Variants in COPS2 observed in about 807,000 individuals in gnomAD.
COPS2 encodes COP9 signalosome subunit 2, also known as COP9 signalosome complex subunit 2.
Under a neutral mutation model 66.1 loss-of-function variants are expected in COPS2, and 10 were observed. The ratio of observed to expected loss-of-function variants is 0.15; its 90% CI spans 0.09 to 0.26. COPS2 has a LOEUF of 0.26. Among genes scored for constraint, COPS2 ranks in the 10% least tolerant of loss-of-function variants. COPS2 has a pLI of 1.00. For missense variants in COPS2, 215 were observed against 513.3 expected, an observed-to-expected ratio of 0.42 and a Z score of 5.62; for synonymous variants, 179 against 171.3, an observed-to-expected ratio of 1.04 and a Z score of -0.35.
rs1566883521 is a variant in COPS2 at position 49,137,407 on chromosome 15, T to A, written c.403A>T (p.Thr135Ser). 2 of 1,612,850 alleles carry A rather than the reference T, an allele frequency of 1.2e-6. No individual in the cohort carries two copies. The highest frequency in any genetic ancestry group is 1.3e-5 in the African/African-American group (1 of 74,898). Residue 135 changes from threonine (T) to serine (S), a missense_variant, in exon 5 of 13, where the codon ACA (threonine) becomes TCA (serine). Around this residue, in one of 5 missense-constraint regions of COPS2, gnomAD observed 90 missense variants for 225.1 expected, o/e 0.40. Coordinates refer to ENST00000388901, the MANE Select transcript of COPS2 (RefSeq NM_004236.4). ...MDLLQEFYET[T>S]LEALKDAKND... ...TTAGCATCTTTCAAAGCTTCCAGTG[T>A]TGTTTCATAGAATTCCTGCAGTAAA...
intron 9 of COPS2, among the ~76,000 whole-genome samples, chr15:49,132,366 C>T (rs1314962768): frequency 3.4e-5 from 5 of 148,732 alleles, no homozygotes; most frequent in African/African-American, 1.2e-4. Context: ...TTTTTTTTTA[C>T]AGCCAAAATT....
Position 49,134,414 on chromosome 15 carries a change from AG to A in COPS2, c.640del (p.Ala216HisfsTer17), listed in dbSNP as rs777049710. ...AAGTGACTGTTCATAGAGTGCTTTA[AG>A]TTTTTTGTTATTTTTCTGTGCTGTG... ...MYTAQKNNKK[L>X]KALYEQSLHI... On this transcript the variant is annotated frameshift_variant, in exon 7 of 13. Transcript: ENST00000388901. LOFTEE classifies it high-confidence loss of function. 1 of 1,613,486 alleles carries A rather than the reference AG, an allele frequency of 6.2e-7. No homozygotes were observed.
At chr15:49,153,141 T>C (rs2084374032) in intron 1 of COPS2, among the ~76,000 whole-genome samples, 1 of 152,010 alleles carries the variant, frequency 6.6e-6, no homozygotes, top group Admixed American at 6.5e-5. Context: ...AGAGATGACA[T>C]ACAGCTGGGC....
chr15:49,141,212 C>G (rs370867592), intron 3 of COPS2, among the ~76,000 whole-genome samples: 1 of 152,136 alleles, frequency 6.6e-6, no homozygotes, highest in East Asian at 1.9e-4. Flanking sequence ...CAAAAAGTTA[C>G]AGTTTTTGGC....
Position 49,135,532 on chromosome 15 carries a change from C to T in COPS2, c.541-1018G>A, listed in dbSNP as rs117847694. ...CCTAGGAGAATGAAATAGGGACTAA[C>T]CTTCCTGGAGGACGTCACAGGAATC... On this transcript the variant is annotated intron_variant, in intron 6 of 12. Coordinates refer to ENST00000388901, the MANE Select transcript of COPS2 (RefSeq NM_004236.4). Among the ~76,000 whole-genome samples the T allele has an allele frequency of 1.7e-3, 255 of 152,260 alleles. 5 individuals are homozygous for T. The East Asian group carries it at 0.045, about 27-fold the overall frequency.
chr15:49,137,600 A>G (rs1422012154), intron 4 of COPS2, 163 bp from the exon 5 acceptor site: 1 of 569,816 alleles, frequency 1.8e-6, no homozygotes, highest in African/African-American at 1.9e-5. Flanking sequence ...AACAAACTGA[A>G]GCAAAATACA....
chr15:49,144,224 T>C lies in COPS2; in HGVS notation c.246+3A>G. Reference sequence around the variant, plus strand: ...GTTTAATTCCCCTCAAAACAAATCTTACCAACTTGAAGTTAATCTTAATCA... The same window carrying C: ...GTTTAATTCCCCTCAAAACAAATCTCACCAACTTGAAGTTAATCTTAATCA... On this transcript the variant is annotated splice_donor_region_variant and intron_variant, in intron 3 of 12. Coordinates refer to ENST00000388901, the MANE Select transcript of COPS2 (RefSeq NM_004236.4). 6.3e-7 allele frequency: 1 copy of C among 1,592,002 alleles called. No individual in the cohort carries two copies. Among genetic ancestry groups the C allele is most frequent in the Non-Finnish European group, 8.6e-7 (1 of 1,161,102 alleles).
rs193269117 is a variant in COPS2, at chr15:49,132,132, G to A, written c.948-1316C>T. Among the ~76,000 whole-genome samples, 5 of 152,152 alleles carry A rather than the reference G, an allele frequency of 3.3e-5. No individual in the cohort carries two copies. The East Asian group carries it at 9.7e-4, about 29-fold the overall frequency. ...TAGAGTTTTAAAAGTGTAAACTGCT[G>A]CTTAGCAATTTAACATTATAAACAA... On this transcript the variant is annotated intron_variant, in intron 9 of 12. Coordinates refer to ENST00000388901, the MANE Select transcript of COPS2 (RefSeq NM_004236.4).
chr15:49,130,260 A>T (rs1450076955), intron 10 of COPS2, among the ~76,000 whole-genome samples: 2 of 152,174 alleles, frequency 1.3e-5, no homozygotes, highest in East Asian at 3.9e-4. Context: ...TGGTAATTCA[A>T]TATAACTTGC....
At chr15:49,141,460 C>T (rs929173367) in intron 3 of COPS2, among the ~76,000 whole-genome samples, 8 of 151,774 alleles carry the variant, frequency 5.3e-5, no homozygotes, top group Admixed American at 1.3e-4. Flanking sequence ...ACCAAGACTG[C>T]GCCACTGCAC....
At chr15:49,142,834 C>T in intron 3 of COPS2, among the ~76,000 whole-genome samples, 1 of 151,710 alleles carries the variant, frequency 6.6e-6, no homozygotes, top group Non-Finnish European at 1.5e-5. Context: ...ATTTGAGCAC[C>T]AACCAAATGA....
intron 3 of COPS2, 148 bp downstream of exon 3, chr15:49,144,079 A>G: frequency 1.6e-6 from 1 of 627,442 alleles, no homozygotes. Flanking sequence ...TTTACTTAGT[A>G]TTACTATAGT....
At chr15:49,137,096 T>A in intron 6 of COPS2, 54 bp downstream of exon 6, 5 of 1,100,412 alleles carry the variant, frequency 4.5e-6, no homozygotes, top group Non-Finnish European at 6.6e-6. Flanking sequence ...AATTATTGCT[T>A]ATACTTTTTT....
chr15:49,136,351 T>C (rs910741286), intron 6 of COPS2, among the ~76,000 whole-genome samples: 5 of 152,212 alleles, frequency 3.3e-5, no homozygotes, highest in African/African-American at 1.2e-4. Flanking sequence ...TATAGAGCCA[T>C]TCTGTCCTGA....
chr15:49,139,438 G>T, intron 4 of COPS2, 90 bp downstream of exon 4: 1 of 1,004,046 alleles, frequency 1.0e-6, no homozygotes, highest in Non-Finnish European at 1.5e-6. Context: ...TTAAATAGAA[G>T]CTCTAGGCCT....
chr15:49,146,466 T>C (rs371058977), intron 1 of COPS2, among the ~76,000 whole-genome samples: 2 of 152,148 alleles, frequency 1.3e-5, no homozygotes, highest in East Asian at 3.8e-4. Context: ...CACAGAATGA[T>C]GCTGTGACAG....
In COPS2 at chr15:49,128,100, A is replaced by G; in HGVS notation, c.1188-6T>C. 6.2e-7 allele frequency: 1 copy of G among 1,612,384 alleles called. No individual in the cohort carries two copies. The highest frequency in any genetic ancestry group is 8.5e-7 in the Non-Finnish European group (1 of 1,179,088). On this transcript the variant is annotated splice_region_variant and splice_polypyrimidine_tract_variant and intron_variant, in intron 12 of 12. Coordinates refer to ENST00000388901, the MANE Select transcript of COPS2 (RefSeq NM_004236.4). Reference sequence around the variant, plus strand: ...CAATTCGGCCATGAATAGTGCTAGAAAGAAATAAATAAGATGTGTCTACAA... The same window carrying G: ...CAATTCGGCCATGAATAGTGCTAGAGAGAAATAAATAAGATGTGTCTACAA...
rs1033123138 is a variant in COPS2, at chr15:49,127,571, T to C, written c.*379A>G. 2 of 164,932 alleles carry C rather than the reference T, an allele frequency of 1.2e-5. No homozygotes were observed. Among genetic ancestry groups the C allele is most frequent in the African/African-American group, 4.8e-5 (2 of 41,916 alleles). The allele number at this position is 164,932 out of a possible 1,614,324, so 10.2% of individuals were successfully genotyped here. A position where few individuals can be genotyped will look rare whatever the true frequency, so the allele number is the denominator to read the frequency against. ...TGCATTTCAAGTTATTGCAGGTTAT[T>C]TGTGAGAGAATTTCTGCAGGTAAAA... On this transcript the variant is annotated 3_prime_UTR_variant, in exon 13 of 13. Coordinates refer to ENST00000388901, the MANE Select transcript of COPS2 (RefSeq NM_004236.4).
chr15:49,137,093 G>A, intron 6 of COPS2, 57 bp downstream of exon 6: 4 of 1,051,066 alleles, frequency 3.8e-6, no homozygotes, highest in Non-Finnish European at 5.6e-6. Flanking sequence ...TATAATTATT[G>A]CTTATACTTT....
Sources: allele counts gnomAD v4.1 joint callset (sites outside exome capture counted in the v4.1 genomes callset), GRCh38; gene constraint gnomAD v4.1.1; regional missense constraint gnomAD v4.1.1; transcripts MANE v1.5; gene names NCBI Gene and HGNC (gene_info 2026-07-23, HGNC 2026-07-21).